The following PPM1L variants were observed in gnomAD, a reference collection of about 807,000 sequenced individuals.
PPM1L encodes protein phosphatase, Mg2+/Mn2+ dependent 1L, also known as protein phosphatase 1L.
Under a neutral mutation model 31.4 loss-of-function variants are expected in PPM1L, and 13 were observed. That is an observed-to-expected ratio of 0.41 (90% CI 0.27 to 0.66). PPM1L has a LOEUF of 0.66. Ranked by LOEUF, PPM1L falls within the 30% of genes least tolerant of loss-of-function variation. PPM1L has a pLI of 0.29. For missense variants in PPM1L, 326 were observed against 453.7 expected, an observed-to-expected ratio of 0.72 and a Z score of 2.56; for synonymous variants, 184 against 175.4, an observed-to-expected ratio of 1.05 and a Z score of -0.39.
At chr3:161,001,148 A>G (rs1398118720) in intron 2 of PPM1L, among the ~76,000 whole-genome samples, 5 of 152,206 alleles carry the variant, frequency 3.3e-5, no homozygotes, top group Admixed American at 3.3e-4. Context: ...CTGTTCTTCT[A>G]GAAATCACAA....
chr3:161,025,694 T>G (rs1718364934), intron 2 of PPM1L, among the ~76,000 whole-genome samples: 1 of 152,174 alleles, frequency 6.6e-6, no homozygotes, highest in Non-Finnish European at 1.5e-5. Flanking sequence ...TGATCTTGGA[T>G]TTCCCAGCCT....
intron 2 of PPM1L, among the ~76,000 whole-genome samples, chr3:161,002,925 C>T (rs1717552831): frequency 6.8e-6 from 1 of 147,876 alleles, no homozygotes; most frequent in Admixed American, 6.7e-5. Flanking sequence ...TGCCTATGTC[C>T]TGAATGGTAA....
rs534716902 is a variant in PPM1L, at chr3:160,766,313, G to A, written c.399+9606G>A. Among the ~76,000 whole-genome samples the A allele has an allele frequency of 5.6e-4, 85 of 152,230 alleles. 1 individual carries two copies. In the South Asian group the frequency reaches 0.014, roughly 26 times the overall value. On this transcript the variant is annotated intron_variant, in intron 1 of 3. Coordinates refer to ENST00000498165, the MANE Select transcript of PPM1L (RefSeq NM_139245.4). ...TATGGTCTGGGTCTGGGTCCCCACC[G>A]AAATCTCATCTTGTATTGTAATTTC... is the stretch of plus-strand genomic sequence containing the variant.
chr3:160,952,137 A>C (rs939539405), intron 1 of PPM1L, among the ~76,000 whole-genome samples: 7 of 152,006 alleles, frequency 4.6e-5, no homozygotes, highest in Non-Finnish European at 1.0e-4. Context: ...AAGAAATGAC[A>C]CTCTTGGCAG....
At chr3:160,938,415 G>A (rs554623003) in intron 1 of PPM1L, among the ~76,000 whole-genome samples, 1 of 152,218 alleles carries the variant, frequency 6.6e-6, no homozygotes, top group East Asian at 1.9e-4. Context: ...TTAACCTTGC[G>A]AGATTACCAC....
Position 160,973,020 on chromosome 3 carries a change from G to A in PPM1L, c.574+11110G>A, listed in dbSNP as rs144185560. ...TCTTGTAAAAGTGGTATGATAGGAAGGTATTTTAAAAAATCACATTCCCCA... is the reference window on the plus strand; with the variant it reads ...TCTTGTAAAAGTGGTATGATAGGAAAGTATTTTAAAAAATCACATTCCCCA... On this transcript the variant is annotated intron_variant, in intron 2 of 3. Transcript: ENST00000498165. Among the ~76,000 whole-genome samples, 22 of 152,148 alleles carry A rather than the reference G, an allele frequency of 1.4e-4. No homozygotes were observed. The East Asian group carries it at 3.9e-3, about 27-fold the overall frequency.
chr3:160,771,587 A>C (rs1341110107), intron 1 of PPM1L, among the ~76,000 whole-genome samples: 1 of 137,370 alleles, frequency 7.3e-6, no homozygotes, highest in East Asian at 2.1e-4. Flanking sequence ...AGCATATTAA[A>C]TATTTCTGTG....
intron 2 of PPM1L, among the ~76,000 whole-genome samples, chr3:161,002,208 G>A (rs1055638501): frequency 5.9e-5 from 9 of 152,276 alleles, no homozygotes; most frequent in Middle Eastern, 3.4e-3. Context: ...TGGTGTATAT[G>A]TGCCACATTT....
At chr3:161,012,675 G>A (rs1274233915) in intron 2 of PPM1L, among the ~76,000 whole-genome samples, 1 of 151,910 alleles carries the variant, frequency 6.6e-6, no homozygotes, top group South Asian at 2.1e-4. Flanking sequence ...GTAAGCTATT[G>A]ATTATTGCCA....
At chr3:160,801,796 A>G (rs577470474) in intron 1 of PPM1L, among the ~76,000 whole-genome samples, 1 of 152,224 alleles carries the variant, frequency 6.6e-6, no homozygotes, top group African/African-American at 2.4e-5. Flanking sequence ...ACTGTCATAT[A>G]TGGGAGGTTT....
At chr3:161,012,371 C>T (rs1198920780) in intron 2 of PPM1L, among the ~76,000 whole-genome samples, 5 of 152,162 alleles carry the variant, frequency 3.3e-5, no homozygotes, top group Non-Finnish European at 7.3e-5. Context: ...ATGAAGCCCA[C>T]TTGATCATGG....
At chr3:160,794,392 T>C (rs1328397120) in intron 1 of PPM1L, among the ~76,000 whole-genome samples, 1 of 152,180 alleles carries the variant, frequency 6.6e-6, no homozygotes, top group Admixed American at 6.5e-5. Context: ...CCAATAGCTC[T>C]CCTCATGATA....
intron 1 of PPM1L, among the ~76,000 whole-genome samples, chr3:160,875,871 A>G (rs1712490710): frequency 6.6e-6 from 1 of 152,112 alleles, no homozygotes; most frequent in South Asian, 2.1e-4. Context: ...TTTATCTCCT[A>G]CCTTCCTCTG....
chr3:160,985,594 G>A (rs1716937482), intron 2 of PPM1L, among the ~76,000 whole-genome samples: 6 of 152,080 alleles, frequency 3.9e-5, no homozygotes, highest in Admixed American at 3.3e-4. Context: ...TTCCAAGCAA[G>A]TGGTGATAAA....
intron 1 of PPM1L, among the ~76,000 whole-genome samples, chr3:160,808,514 A>T (rs1174128959): frequency 6.6e-6 from 1 of 151,986 alleles, no homozygotes; most frequent in Non-Finnish European, 1.5e-5. Context: ...CCTGGCCTAT[A>T]GCTGGGGGGC....
intron 1 of PPM1L, among the ~76,000 whole-genome samples, chr3:160,928,082 A>G (rs2108076949): frequency 6.6e-6 from 1 of 152,266 alleles, no homozygotes; most frequent in East Asian, 1.9e-4. Flanking sequence ...TGCTCTAGAA[A>G]ATATTTTAAA....
intron 1 of PPM1L, among the ~76,000 whole-genome samples, chr3:160,885,825 C>T (rs1447615): frequency 0.75 from 114,072 of 152,188 alleles, 43,138 homozygotes; most frequent in Middle Eastern, 0.83. Context: ...CTTAAGCCTG[C>T]GGAGCTCCCC....
chr3:161,054,208 A>G (rs1048684518), intron 2 of PPM1L, among the ~76,000 whole-genome samples: 2 of 152,036 alleles, frequency 1.3e-5, no homozygotes, highest in Non-Finnish European at 1.5e-5. Flanking sequence ...TTGATGGAAG[A>G]AGGCCTTGGT....
intron 2 of PPM1L, among the ~76,000 whole-genome samples, chr3:161,044,422 A>G (rs1718998573): frequency 6.6e-6 from 1 of 151,600 alleles, no homozygotes; most frequent in Admixed American, 6.6e-5. Flanking sequence ...AGCATTGAAA[A>G]TTCAAAATCT....
Sources: allele counts gnomAD v4.1 joint callset (sites outside exome capture counted in the v4.1 genomes callset), GRCh38; gene constraint gnomAD v4.1.1; transcripts MANE v1.5; gene names NCBI Gene and HGNC (gene_info 2026-07-23, HGNC 2026-07-21).